The following PRDX4 variants were observed in gnomAD, a reference collection of about 807,000 sequenced individuals.
PRDX4 encodes peroxiredoxin 4.
In PRDX4, 12 loss-of-function variants were observed where a neutral mutation model predicts 20.5. The ratio of observed to expected loss-of-function variants is 0.58; its 90% CI spans 0.37 to 0.95. The LOEUF (loss-of-function observed/expected upper bound fraction) is 0.95, where lower values mean the gene tolerates loss of function less well. Among genes scored for constraint, PRDX4 ranks in the 40% least tolerant of loss-of-function variants. The pLI, the probability that PRDX4 is intolerant of heterozygous loss-of-function variation, is 0.01. For missense variants in PRDX4, 180 were observed against 207.3 expected, an observed-to-expected ratio of 0.87 and a Z score of 0.81; for synonymous variants, 99 against 87.5, an observed-to-expected ratio of 1.13 and a Z score of -0.73.
In PRDX4 at chrX:23,675,104, C is replaced by T. The variant is rs759630372; in HGVS notation, c.474C>T (p.Ala158=). 1.2e-5 allele frequency: 14 copies of T among 1,209,186 alleles called. No individual in the cohort carries two copies. In the East Asian group the frequency reaches 1.8e-4, roughly 15 times the overall value. The change falls in exon 3 of 7, where the codon GCC becomes GCT. Residue 158 remains alanine (A), a splice_region_variant and synonymous_variant. Transcript: ENST00000379341. The part of the protein sequence containing the change: ...CSVDSQFTHL[A]WINTPRRQGG... ...TTGATTCACAGTTTACCCATTTGGC[C>T]TGGTCAGTATCTTACACTTATATTC...
intron 3 of PRDX4, among the ~76,000 whole-genome samples, chrX:23,675,837 T>C (rs1004573647): frequency 9.0e-6 from 1 of 111,720 alleles, no homozygotes. Context: ...ATAAAGACCA[T>C]TCAGAATTGG....
intron 2 of PRDX4, among the ~76,000 whole-genome samples, chrX:23,673,944 T>C (rs1002524633): frequency 9.0e-6 from 1 of 111,012 alleles, no homozygotes; most frequent in African/African-American, 3.3e-5. Flanking sequence ...TAGGAACTTG[T>C]GCCCTAACTA....
intron 3 of PRDX4, among the ~76,000 whole-genome samples, chrX:23,677,964 A>G (rs1927981105): frequency 8.9e-6 from 1 of 112,551 alleles, no homozygotes; most frequent in East Asian, 2.8e-4. Flanking sequence ...TTTTCAATTT[A>G]TGATGTGTTT....
At chrX:23,668,161 G>A (rs1414047584) in intron 1 of PRDX4, among the ~76,000 whole-genome samples, 1 of 112,589 alleles carries the variant, frequency 8.9e-6, no homozygotes, top group East Asian at 2.8e-4. Flanking sequence ...TCTTTTTCAG[G>A]TACTATTTCA....
chrX:23,682,854 AT>A (rs1419325493), intron 5 of PRDX4, among the ~76,000 whole-genome samples: 224 of 13,524 alleles, frequency 0.017, 1 homozygote, highest in Non-Finnish European at 0.025. Context: ...AAAAAAAAAA[AT>A]ATATATATAT....
intron 6 of PRDX4, 106 bp from the exon 7 acceptor site, chrX:23,686,179 T>C (rs997072159): frequency 5.5e-6 from 3 of 548,093 alleles, no homozygotes; most frequent in African/African-American, 4.7e-5. Flanking sequence ...CAATCTGATA[T>C]ACAAAAATAA....
Position 23,671,478 on chromosome X carries a change from T to C in PRDX4, c.242-51T>C, listed in dbSNP as rs750485805. 23 of 976,462 alleles carry C rather than the reference T, an allele frequency of 2.4e-5. No homozygotes were observed. The East Asian group carries it at 6.0e-4, about 25-fold the overall frequency. The allele number at this position is 976,462 out of a possible 1,213,427, so 80.5% of individuals were successfully genotyped here. A position where few individuals can be genotyped will look rare whatever the true frequency, so the allele number is the denominator to read the frequency against. ...ATTTTCTAAAGATGTCCTTCTACCA[T>C]TCCACCAACTTTCTCAGTGTTACAG... On this transcript the variant is annotated intron_variant, in intron 1 of 6. Coordinates refer to ENST00000379341, the MANE Select transcript of PRDX4 (RefSeq NM_006406.2).
chrX:23,674,356 A>G (rs1390471434), intron 2 of PRDX4, among the ~76,000 whole-genome samples: 2 of 111,572 alleles, frequency 1.8e-5, no homozygotes, highest in Non-Finnish European at 3.8e-5. Context: ...ATTTTTTAGA[A>G]CTCAGTTAAT....
intron 4 of PRDX4, among the ~76,000 whole-genome samples, chrX:23,680,253 A>G (rs190113583): frequency 6.6e-4 from 74 of 111,596 alleles, no homozygotes; most frequent in Non-Finnish European, 1.1e-3. Context: ...CTCCTTGTCC[A>G]TTTCTTTTTC....
chrX:23,674,326 C>T (rs1455593947), intron 2 of PRDX4, among the ~76,000 whole-genome samples: 2 of 111,710 alleles, frequency 1.8e-5, no homozygotes, highest in Non-Finnish European at 3.8e-5. Context: ...GTTTTCTATT[C>T]GATTTCACTT....
At chrX:23,685,847 G>A (rs1601794716) in intron 6 of PRDX4, among the ~76,000 whole-genome samples, 1 of 104,516 alleles carries the variant, frequency 9.6e-6, no homozygotes, top group African/African-American at 3.5e-5. Flanking sequence ...TTTGCAGCTT[G>A]AGATTTAAAA....
At chrX:23,680,423 A>G (rs1158234550) in intron 4 of PRDX4, among the ~76,000 whole-genome samples, 1 of 112,195 alleles carries the variant, frequency 8.9e-6, no homozygotes, top group Admixed American at 9.5e-5. Context: ...AATTCTTTGA[A>G]AAGGGGGCAA....
Position 23,667,577 on chromosome X carries a change from G to A in PRDX4, c.7G>A (p.Ala3Thr). Residue 3 changes from alanine to threonine, a missense_variant, in exon 1 of 7, where the codon GCG (alanine) becomes ACG (threonine). Physicochemically the swap from Ala to Thr is moderately conservative, Grantham distance 58 (BLOSUM62 0). Transcript: ENST00000379341. ...TTTCTGCGCTCGCGTGGTCATGGAG[G>A]CGCTGCCGCTGCTAGCCGCGACAAC... is the stretch of plus-strand genomic sequence containing the variant. ME[A>T]LPLLAATTPD... 3 of 1,185,098 alleles carry A rather than the reference G, an allele frequency of 2.5e-6. No individual in the cohort carries two copies. The highest frequency in any genetic ancestry group is 3.4e-6 in the Non-Finnish European group (3 of 882,794).
intron 3 of PRDX4, among the ~76,000 whole-genome samples, chrX:23,677,880 C>T (rs771856225): frequency 4.5e-5 from 5 of 111,963 alleles, no homozygotes; most frequent in Admixed American, 2.9e-4. Flanking sequence ...TCCTGACTTA[C>T]GATGGTTTGA....
chrX:23,667,675 G>A lies in PRDX4; in HGVS notation c.105G>A (p.Val35=), dbSNP rs761518987. The A allele has an allele frequency of 1.7e-6, 2 of 1,210,487 alleles. No homozygotes were observed. Among genetic ancestry groups the A allele is most frequent in the South Asian group, 1.8e-5 (1 of 56,809 alleles). The change falls in exon 1 of 7, where the codon GTG becomes GTA. Residue 35 remains valine, a synonymous_variant. Coordinates refer to ENST00000379341, the MANE Select transcript of PRDX4 (RefSeq NM_006406.2). ...LLLFLLPAGA[V]QGWETEERPR... The stretch of plus-strand genomic sequence containing the variant: ...TGTTCCTGCTGCCGGCTGGAGCTGT[G>A]CAGGGCTGGGAGACAGAGGAGAGGC...
At position 23,667,609 on chromosome X, in the gene PRDX4, C is replaced by T. The variant is rs746411346; in HGVS notation, c.39C>T (p.Asp13=). ...ALPLLAATTP[D]HGRHRRLLLL... is the part of the protein sequence containing the mutation. ...CGCTGCTAGCCGCGACAACTCCGGA[C>T]CACGGCCGCCACCGAAGGCTGCTTC... The change falls in exon 1 of 7, where the codon GAC becomes GAT. Residue 13 remains aspartate (D), a synonymous_variant. Coordinates refer to ENST00000379341, the MANE Select transcript of PRDX4 (RefSeq NM_006406.2). 95 of 1,191,379 alleles carry T rather than the reference C, an allele frequency of 8.0e-5. No homozygotes were observed. In the Admixed American group the frequency reaches 2.2e-3, roughly 27 times the overall value.
At chrX:23,675,848 G>T (rs909365136) in intron 3 of PRDX4, among the ~76,000 whole-genome samples, 2 of 111,727 alleles carry the variant, frequency 1.8e-5, no homozygotes, top group African/African-American at 6.5e-5. Flanking sequence ...TCAGAATTGG[G>T]CTGGGCACAG....
chrX:23,680,904 CCT>C (rs1410793989), intron 4 of PRDX4, among the ~76,000 whole-genome samples: 3 of 109,221 alleles, frequency 2.7e-5, no homozygotes, highest in Non-Finnish European at 5.7e-5. Context: ...AGAGTGAGAC[CCT>C]GTCTCTAAAA....
At chrX:23,678,456 C>G (rs1927992990) in intron 3 of PRDX4, among the ~76,000 whole-genome samples, 1 of 109,800 alleles carries the variant, frequency 9.1e-6, no homozygotes, top group Non-Finnish European at 1.9e-5. Context: ...ATGGTAAATC[C>G]CTGACTCTAC....
Sources: gnomAD v4.1 joint callset for allele counts (sites outside exome capture counted in the v4.1 genomes callset) on GRCh38, gnomAD v4.1.1 for gene constraint, MANE v1.5 for transcripts, NCBI Gene and HGNC (gene_info 2026-07-23, HGNC 2026-07-21) for gene names.